The following RAPGEF2 variants were observed in gnomAD, a reference collection of about 807,000 sequenced individuals.
RAPGEF2 encodes Rap guanine nucleotide exchange factor 2.
A neutral mutation model predicts 186.7 loss-of-function variants in RAPGEF2; 54 were observed. The ratio of observed to expected loss-of-function variants is 0.29; its 90% CI spans 0.23 to 0.36. RAPGEF2 has a LOEUF of 0.36. RAPGEF2 is among the 10% of genes least tolerant of loss of function. The pLI, the probability that RAPGEF2 is intolerant of heterozygous loss-of-function variation, is 1.00. For synonymous variants in RAPGEF2, 712 were observed against 705.9 expected, an observed-to-expected ratio of 1.01 and a Z score of -0.14; for missense variants, 1,532 against 2,045.0, an observed-to-expected ratio of 0.75 and a Z score of 4.84.
chr4:159,260,223 G>A (rs571791466), intron 7 of RAPGEF2, among the ~76,000 whole-genome samples: 2 of 151,548 alleles, frequency 1.3e-5, no homozygotes, highest in African/African-American at 2.4e-5. Context: ...CAAGCAATTT[G>A]CCTGCTTCAG....
At chr4:159,183,393 T>C (rs988780721) in intron 1 of RAPGEF2, among the ~76,000 whole-genome samples, 1 of 152,214 alleles carries the variant, frequency 6.6e-6, no homozygotes, top group African/African-American at 2.4e-5. Flanking sequence ...GGACCCCTAC[T>C]TCACACTGTA....
chr4:159,282,518 C>A, intron 7 of RAPGEF2: 1 of 342,616 alleles, frequency 2.9e-6, no homozygotes, highest in African/African-American at 2.2e-5. Flanking sequence ...AGCAATCTGA[C>A]GTCTTTAGAG....
intron 19 of RAPGEF2, among the ~76,000 whole-genome samples, chr4:159,340,183 T>C (rs539216122): frequency 1.3e-5 from 2 of 152,344 alleles, no homozygotes; most frequent in East Asian, 1.9e-4. Flanking sequence ...TGTATTTGAC[T>C]TTTTCATGTT....
intron 4 of RAPGEF2, among the ~76,000 whole-genome samples, chr4:159,224,738 C>T (rs1312317905): frequency 1.3e-5 from 2 of 152,130 alleles, no homozygotes; most frequent in Non-Finnish European, 2.9e-5. Context: ...AAGAGAATCC[C>T]TGGAAGATCT....
chr4:159,326,766 TCTC>T (rs1490969004), intron 11 of RAPGEF2: 2 of 152,396 alleles, frequency 1.3e-5, no homozygotes, highest in Non-Finnish European at 2.9e-5. Context: ...CTTTTTCCCT[TCTC>T]CTGTTGCCCT....
intron 4 of RAPGEF2, among the ~76,000 whole-genome samples, chr4:159,227,447 A>G (rs1752159940): frequency 6.6e-6 from 1 of 152,248 alleles, no homozygotes; most frequent in South Asian, 2.1e-4. Flanking sequence ...AACGTTTAAC[A>G]AAAGTATATT....
At position 159,359,700 on chromosome 4, in the gene RAPGEF2, C is replaced by T. The variant is rs995876920; in HGVS notation, c.*1561C>T. 5.3e-5 allele frequency: 8 copies of T among 149,746 alleles called. No homozygotes were observed. The highest frequency in any genetic ancestry group is 8.8e-5 in the Non-Finnish European group (6 of 67,810). 9.3% of individuals were successfully genotyped at this position (149,746 alleles called of 1,614,324 possible). ...TGTCAGTGCTTTATTTAATAATTCT[C>T]TTCTGTATCATGGCATTTGTCTACT... On this transcript the variant is annotated 3_prime_UTR_variant, in exon 30 of 30. Coordinates refer to ENST00000691494, the MANE Select transcript of RAPGEF2 (RefSeq NM_001394067.2).
intron 7 of RAPGEF2, among the ~76,000 whole-genome samples, chr4:159,248,591 A>C (rs912239004): frequency 6.6e-6 from 1 of 152,202 alleles, no homozygotes; most frequent in African/African-American, 2.4e-5. Flanking sequence ...ATTTCTGGCA[A>C]AATGCAGCAT....
At chr4:159,304,019 G>A (rs1486779072) in intron 7 of RAPGEF2, among the ~76,000 whole-genome samples, 1 of 152,092 alleles carries the variant, frequency 6.6e-6, no homozygotes, top group Non-Finnish European at 1.5e-5. Flanking sequence ...AAATAGTACT[G>A]TAGCCTAATT....
chr4:159,103,608 C>G lies in RAPGEF2; in HGVS notation c.-555C>G, dbSNP rs1429647310. 6.5e-6 allele frequency: 1 copy of G among 152,916 alleles called. No homozygotes were observed. The highest frequency in any genetic ancestry group is 2.4e-5 in the African/African-American group (1 of 41,446). The allele number at this position is 152,916 out of a possible 1,614,324, so 9.5% of individuals were successfully genotyped here. ...CCTCCCGACCGGCGGCCGAGGCGCCCGAGGACTGGGGACGCGGAAGATCCA... is the reference window on the plus strand; with the variant it reads ...CCTCCCGACCGGCGGCCGAGGCGCCGGAGGACTGGGGACGCGGAAGATCCA... On this transcript the variant is annotated 5_prime_UTR_variant, in exon 1 of 30. Coordinates refer to ENST00000691494, the MANE Select transcript of RAPGEF2 (RefSeq NM_001394067.2).
chr4:159,220,257 C>T (rs1751405161), intron 4 of RAPGEF2, among the ~76,000 whole-genome samples: 2 of 151,882 alleles, frequency 1.3e-5, no homozygotes, highest in Non-Finnish European at 2.9e-5. Flanking sequence ...AGTTAGGAGA[C>T]ACTAGCACGT....
intron 8 of RAPGEF2, among the ~76,000 whole-genome samples, chr4:159,312,686 C>G (rs1397920211): frequency 6.6e-6 from 1 of 152,078 alleles, no homozygotes; most frequent in Non-Finnish European, 1.5e-5. Flanking sequence ...CCTTAAGTTT[C>G]TTTTTTAAAT....
At chr4:159,280,699 GC>G (rs1286795882) in intron 7 of RAPGEF2, among the ~76,000 whole-genome samples, 1 of 152,184 alleles carries the variant, frequency 6.6e-6, no homozygotes, top group East Asian at 1.9e-4. Context: ...TGAACCCTGA[GC>G]CTGAGAACAA....
chr4:159,138,891 A>G (rs1742019826), intron 1 of RAPGEF2, among the ~76,000 whole-genome samples: 2 of 152,222 alleles, frequency 1.3e-5, no homozygotes, highest in South Asian at 4.1e-4. Context: ...AGGATACCCA[A>G]CTTAACTACC....
chr4:159,126,474 A>G (rs1179032637), intron 1 of RAPGEF2, among the ~76,000 whole-genome samples: 2 of 151,988 alleles, frequency 1.3e-5, no homozygotes, highest in East Asian at 1.9e-4. Context: ...TATATATGAA[A>G]TAAGTGAAGT....
chr4:159,256,936 A>G (rs1258171470), intron 7 of RAPGEF2, among the ~76,000 whole-genome samples: 2 of 152,032 alleles, frequency 1.3e-5, no homozygotes, highest in East Asian at 3.9e-4. Flanking sequence ...GACTCTGGAT[A>G]TTAGACCTTT....
chr4:159,280,385 G>A (rs1171172331), intron 7 of RAPGEF2, among the ~76,000 whole-genome samples: 5 of 152,132 alleles, frequency 3.3e-5, no homozygotes, highest in Admixed American at 6.5e-5. Flanking sequence ...AGCCACAACG[G>A]AGCACCCTGA....
At chr4:159,355,141 T>A (rs1250707133) in intron 28 of RAPGEF2, among the ~76,000 whole-genome samples, 2 of 152,240 alleles carry the variant, frequency 1.3e-5, no homozygotes, top group African/African-American at 4.8e-5. Flanking sequence ...GAATGATTTT[T>A]AGTTCCTAAC....
chr4:159,159,947 C>T (rs925976203), intron 1 of RAPGEF2, among the ~76,000 whole-genome samples: 14 of 152,226 alleles, frequency 9.2e-5, no homozygotes, highest in Middle Eastern at 6.8e-3. Flanking sequence ...ATTGATCTCC[C>T]TCCAATCAAG....
Sources: allele counts gnomAD v4.1 joint callset (sites outside exome capture counted in the v4.1 genomes callset), GRCh38; gene constraint gnomAD v4.1.1; transcripts MANE v1.5; gene names NCBI Gene and HGNC (gene_info 2026-07-23, HGNC 2026-07-21).